The following SEMA3A variants were observed in gnomAD, a reference collection of about 807,000 sequenced individuals.
SEMA3A encodes semaphorin 3A.
In SEMA3A, 29 loss-of-function variants were observed where a neutral mutation model predicts 97.9. The ratio of observed to expected loss-of-function variants is 0.30; its 90% confidence interval spans 0.22 to 0.40. The LOEUF (loss-of-function observed/expected upper bound fraction) is 0.40, where lower values mean the gene tolerates loss of function less well. Among genes scored for constraint, SEMA3A ranks in the 10% least tolerant of loss-of-function variants. The probability of loss-of-function intolerance (pLI) is 1.00; values close to 1 mark genes in which losing one functional copy is unlikely to be tolerated. For missense variants in SEMA3A, 763 were observed against 951.3 expected (o/e 0.80, Z 2.60); for synonymous variants, 321 against 323.7 (o/e 0.99, Z 0.09).
At chr7:84,017,096 A>C (rs1791134440) in intron 6 of SEMA3A, among the ~76,000 whole-genome samples, 1 of 152,240 alleles carries the variant, frequency 6.6e-6, no homozygotes. Context: ...CCTTGTTCTC[A>C]GAAAGCCACA....
chr7:84,345,268 G>C (rs1201483485), intron 2 of SEMA3A, among the ~76,000 whole-genome samples: 3 of 152,318 alleles, frequency 2.0e-5, no homozygotes, highest in Middle Eastern at 3.4e-3. Flanking sequence ...GCAATCATTT[G>C]AGCCTTAAGT....
intron 3 of SEMA3A, among the ~76,000 whole-genome samples, chr7:84,118,134 G>A (rs138698198): frequency 6.6e-6 from 1 of 152,282 alleles, no homozygotes; most frequent in Non-Finnish European, 1.5e-5. Flanking sequence ...AACAGAGATA[G>A]ATTTAACAAA....
intron 3 of SEMA3A, among the ~76,000 whole-genome samples, chr7:84,257,013 T>C (rs1487385794): frequency 1.3e-5 from 2 of 151,982 alleles, no homozygotes; most frequent in Non-Finnish European, 2.9e-5. Context: ...ATTCCAGACA[T>C]AGACAGCTTC....
chr7:83,969,437 C>T (rs1327041377), intron 15 of SEMA3A, among the ~76,000 whole-genome samples: 1 of 152,048 alleles, frequency 6.6e-6, no homozygotes, highest in Non-Finnish European at 1.5e-5. Flanking sequence ...GGTTTATTCC[C>T]CTGGCCCACC....
At chr7:84,178,131 G>T (rs1797629032) in intron 1 of SEMA3A, among the ~76,000 whole-genome samples, 1 of 152,100 alleles carries the variant, frequency 6.6e-6, no homozygotes, top group Non-Finnish European at 1.5e-5. Context: ...AACATAGCTT[G>T]TGTATTTACC....
intron 1 of SEMA3A, among the ~76,000 whole-genome samples, chr7:84,189,440 C>G (rs1185661635): frequency 6.6e-6 from 1 of 151,422 alleles, no homozygotes; most frequent in Non-Finnish European, 1.5e-5. Context: ...CAAAATAATC[C>G]TGACTTTAGA....
At position 84,010,445 on chromosome 7, in the gene SEMA3A, T is replaced by C. The variant is rs147956575; in HGVS notation, c.995+577A>G. ...TGTAGCAAATATCCCATCTGTGGAA[T>C]AGAGATACTGGGAAGAACCATGGAC... On this transcript the variant is annotated intron_variant, in intron 9 of 16. Coordinates refer to ENST00000265362, the MANE Select transcript of SEMA3A (RefSeq NM_006080.3). Among the ~76,000 whole-genome samples, 13 of 152,270 alleles carry C rather than the reference T, an allele frequency of 8.5e-5. No homozygotes were observed. In the East Asian group the frequency reaches 1.5e-3, roughly 18 times the overall value.
chr7:84,104,402 TTCTA>T (rs1795045519), intron 4 of SEMA3A, among the ~76,000 whole-genome samples: 2 of 152,178 alleles, frequency 1.3e-5, no homozygotes, highest in South Asian at 2.1e-4. Flanking sequence ...ACACTTCTAT[TTCTA>T]TCTGTCACTG....
intron 1 of SEMA3A, among the ~76,000 whole-genome samples, chr7:84,137,269 C>A (rs920375168): frequency 1.3e-5 from 2 of 151,666 alleles, no homozygotes; most frequent in Non-Finnish European, 2.9e-5. Flanking sequence ...GGCTTGATGG[C>A]GGGTGCCTGT....
intron 4 of SEMA3A, among the ~76,000 whole-genome samples, chr7:84,067,735 A>G (rs897636734): frequency 1.3e-5 from 2 of 151,756 alleles, no homozygotes; most frequent in African/African-American, 4.8e-5. Flanking sequence ...ACCATCTCAC[A>G]CCAGTTAGAA....
chr7:84,019,527 AC>A (rs1554395136), intron 6 of SEMA3A, among the ~76,000 whole-genome samples: 1 of 133,966 alleles, frequency 7.5e-6, no homozygotes, highest in Non-Finnish European at 1.6e-5. Flanking sequence ...CTTTTTAATG[AC>A]GTGTCTTTAA....
At chr7:84,413,561 G>A (rs1804340520) in intron 1 of SEMA3A, among the ~76,000 whole-genome samples, 1 of 152,138 alleles carries the variant, frequency 6.6e-6, no homozygotes, top group Non-Finnish European at 1.5e-5. Flanking sequence ...CTGGGAAATC[G>A]AGGCTGTGGT....
Position 84,406,270 on chromosome 7 carries a change from C to T in SEMA3A, c.-245-34370G>A, listed in dbSNP as rs577188981. Among the ~76,000 whole-genome samples, 207 of 152,248 alleles carry T rather than the reference C, an allele frequency of 1.4e-3. 2 individuals carry two copies. The highest frequency in any genetic ancestry group is 4.4e-3 in the Admixed American group (67 of 15,282). ...CTACCATCAGAGAATACTATAAACA[C>T]CTCTAGGCAAATAAACTAGAAAATC... On this transcript the variant is annotated intron_variant, in intron 1 of 3. Coordinates refer to the SEMA3A transcript ENST00000424555.
intron 4 of SEMA3A, among the ~76,000 whole-genome samples, chr7:84,091,820 A>G (rs182655656): frequency 6.6e-5 from 10 of 152,268 alleles, no homozygotes; most frequent in African/African-American, 2.4e-4. Flanking sequence ...TTTGATGATA[A>G]TGTTCTTTTT....
At chr7:83,993,594 T>G (rs1388651992) in intron 12 of SEMA3A, among the ~76,000 whole-genome samples, 1 of 147,316 alleles carries the variant, frequency 6.8e-6, no homozygotes, top group Non-Finnish European at 1.5e-5. Flanking sequence ...TGGCTGGATA[T>G]GAAATTCTGG....
chr7:84,315,307 A>G (rs1801469356), intron 2 of SEMA3A, among the ~76,000 whole-genome samples: 2 of 152,250 alleles, frequency 1.3e-5, no homozygotes, highest in Admixed American at 6.5e-5. Context: ...TAATGACACT[A>G]CAACTGCAGG....
chr7:84,342,571 C>T (rs181114035), intron 2 of SEMA3A, among the ~76,000 whole-genome samples: 1 of 152,094 alleles, frequency 6.6e-6, no homozygotes, highest in Non-Finnish European at 1.5e-5. Flanking sequence ...ATAAAGAGAA[C>T]CTTATACTCG....
At chr7:84,186,197 G>T (rs12707623) in intron 1 of SEMA3A, among the ~76,000 whole-genome samples, 9,570 of 151,888 alleles carry the variant, frequency 0.063, 350 homozygotes, top group African/African-American at 0.092. Flanking sequence ...ACCTTCTTTG[G>T]GTCCTAGTTT....
rs1801678729 is a variant in SEMA3A at position 84,322,736 on chromosome 7, A to G, written c.-168-15444T>C. ...GTCTTCATTAGCAGCGTGAGAACAG[A>G]CTAATACAATCATTTTAAAGAAAAC... On this transcript the variant is annotated intron_variant, in intron 2 of 3. Transcript: ENST00000424555. 2.0e-5 allele frequency among the ~76,000 whole-genome samples: 3 copies of G among 152,326 alleles called. No homozygotes were observed. In the South Asian group the frequency reaches 6.2e-4, roughly 32 times the overall value.
Sources: allele counts gnomAD v4.1 joint callset (sites outside exome capture counted in the v4.1 genomes callset), GRCh38; gene constraint gnomAD v4.1.1; transcripts MANE v1.5; gene names NCBI Gene and HGNC (gene_info 2026-07-23, HGNC 2026-07-21).